Variants in KIF16B observed in about 807,000 individuals in gnomAD.
KIF16B encodes kinesin family member 16B.
In KIF16B, 98 loss-of-function variants were observed where a neutral mutation model predicts 156.3. The ratio of observed to expected loss-of-function variants is 0.63; its 90% confidence interval spans 0.53 to 0.74. The LOEUF is 0.74. Ranked by LOEUF, KIF16B falls within the 30% of genes least tolerant of loss-of-function variation. The pLI is 0.00. For missense variants in KIF16B, 1,421 were observed against 1,606.5 expected, an observed-to-expected ratio of 0.88 and a Z score of 1.97; for synonymous variants, 564 against 583.7, an observed-to-expected ratio of 0.97 and a Z score of 0.49.
intron 23 of KIF16B, among the ~76,000 whole-genome samples, chr20:16,350,641 C>T (rs2064319628): frequency 6.6e-6 from 1 of 151,730 alleles, no homozygotes; most frequent in African/African-American, 2.4e-5. Flanking sequence ...GACTAAGAGC[C>T]ACCAGCCACA....
At chr20:16,331,737 C>A (rs1386819707) in intron 24 of KIF16B, among the ~76,000 whole-genome samples, 5 of 152,090 alleles carry the variant, frequency 3.3e-5, no homozygotes, top group Non-Finnish European at 2.9e-5. Flanking sequence ...TTTCAGGATC[C>A]TTTTGTATCA....
At chr20:16,568,443 C>T (rs927688863) in intron 1 of KIF16B, among the ~76,000 whole-genome samples, 2 of 152,170 alleles carry the variant, frequency 1.3e-5, no homozygotes, top group Non-Finnish European at 2.9e-5. Context: ...CTTCAGGGAG[C>T]CCCTGCTGAA....
intron 25 of KIF16B, among the ~76,000 whole-genome samples, chr20:16,295,478 A>T (rs923293015): frequency 1.3e-5 from 2 of 151,034 alleles, no homozygotes; most frequent in African/African-American, 4.9e-5. Context: ...TAACTATATG[A>T]CTATTTAAAG....
intron 19 of KIF16B, among the ~76,000 whole-genome samples, chr20:16,376,377 A>G (rs1262566341): frequency 6.6e-6 from 1 of 152,220 alleles, no homozygotes; most frequent in African/African-American, 2.4e-5. Context: ...AGGCAATGGG[A>G]GAGCCAAGTT....
At chr20:16,425,662 G>A (rs923846760) in intron 15 of KIF16B, among the ~76,000 whole-genome samples, 3 of 152,134 alleles carry the variant, frequency 2.0e-5, no homozygotes, top group Non-Finnish European at 2.9e-5. Flanking sequence ...CCTGGCAGCT[G>A]CACCTTAGTT....
chr20:16,403,593 G>T (rs866113112), intron 17 of KIF16B, among the ~76,000 whole-genome samples: 3 of 152,190 alleles, frequency 2.0e-5, no homozygotes, highest in East Asian at 1.9e-4. Flanking sequence ...CCTGGAAAGC[G>T]GGGGTGGGGG....
intron 1 of KIF16B, among the ~76,000 whole-genome samples, chr20:16,548,881 G>A (rs969231754): frequency 6.6e-6 from 1 of 152,032 alleles, no homozygotes; most frequent in Admixed American, 6.5e-5. Context: ...GAAGACCACT[G>A]GAAGATGCCT....
chr20:16,425,798 C>T (rs960860941), intron 15 of KIF16B, among the ~76,000 whole-genome samples: 1 of 152,120 alleles, frequency 6.6e-6, no homozygotes, highest in African/African-American at 2.4e-5. Flanking sequence ...CATAAGGGAA[C>T]ATAGTCAACT....
At chr20:16,562,244 AC>A (rs770158008) in intron 1 of KIF16B, among the ~76,000 whole-genome samples, 2 of 152,186 alleles carry the variant, frequency 1.3e-5, no homozygotes, top group Non-Finnish European at 2.9e-5. Context: ...AAAGTGTTGT[AC>A]CATAGTGCTG....
Position 16,321,806 on chromosome 20 carries a change from G to C in KIF16B, c.3712-9388C>G, listed in dbSNP as rs1340179466. 2.0e-5 allele frequency among the ~76,000 whole-genome samples: 3 copies of C among 152,012 alleles called. No individual in the cohort carries two copies. The East Asian group carries it at 5.8e-4, about 29-fold the overall frequency. On this transcript the variant is annotated intron_variant, in intron 24 of 25. Coordinates refer to ENST00000354981, the MANE Select transcript of KIF16B (RefSeq NM_024704.5). Reference sequence around the variant, plus strand: ...ACAAACAGAAATGCAGTATTCATGAGAAAACCCTTAAAATGGCATCTTTTC... The same window carrying C: ...ACAAACAGAAATGCAGTATTCATGACAAAACCCTTAAAATGGCATCTTTTC...
At chr20:16,531,158 A>G (rs2069732315) in intron 1 of KIF16B, among the ~76,000 whole-genome samples, 1 of 152,226 alleles carries the variant, frequency 6.6e-6, no homozygotes, top group South Asian at 2.1e-4. Flanking sequence ...ACTAAAAACC[A>G]ACTGAAATAG....
chr20:16,431,888 T>TAC (rs2066510648), intron 12 of KIF16B, among the ~76,000 whole-genome samples: 1 of 138,946 alleles, frequency 7.2e-6, no homozygotes, highest in Admixed American at 7.3e-5. Flanking sequence ...TATATATATA[T>TAC]ACTATCCATT....
intron 6 of KIF16B, among the ~76,000 whole-genome samples, chr20:16,511,069 A>G (rs765794243): frequency 1.1e-4 from 17 of 152,230 alleles, no homozygotes; most frequent in Non-Finnish European, 1.5e-4. Context: ...TTATTGTCAT[A>G]TATCACCATT....
intron 24 of KIF16B, among the ~76,000 whole-genome samples, chr20:16,319,752 C>T (rs371219935): frequency 6.6e-6 from 1 of 152,176 alleles, no homozygotes; most frequent in Non-Finnish European, 1.5e-5. Flanking sequence ...AGGAGCCCCA[C>T]CAGGTTCTCA....
At chr20:16,305,978 T>G (rs973090258) in intron 25 of KIF16B, among the ~76,000 whole-genome samples, 1 of 152,234 alleles carries the variant, frequency 6.6e-6, no homozygotes, top group Admixed American at 6.5e-5. Flanking sequence ...CACTCTGTTC[T>G]TCCTGCTTTC....
intron 1 of KIF16B, among the ~76,000 whole-genome samples, chr20:16,546,311 T>C (rs1453551666): frequency 6.6e-6 from 1 of 152,194 alleles, no homozygotes; most frequent in Non-Finnish European, 1.5e-5. Context: ...TGCTGAAAGA[T>C]GTGATAGAAG....
chr20:16,424,009 C>A (rs1056822689), intron 15 of KIF16B, among the ~76,000 whole-genome samples: 1 of 152,148 alleles, frequency 6.6e-6, no homozygotes, highest in African/African-American at 2.4e-5. Context: ...AAGGCAGAGA[C>A]AGCCTCCCAC....
At chr20:16,330,198 T>C (rs1446139348) in intron 24 of KIF16B, among the ~76,000 whole-genome samples, 1 of 152,208 alleles carries the variant, frequency 6.6e-6, no homozygotes, top group Non-Finnish European at 1.5e-5. Flanking sequence ...TATCTAATAA[T>C]CAACAACTCC....
chr20:16,554,753 T>C (rs1371768291), intron 1 of KIF16B, among the ~76,000 whole-genome samples: 1 of 152,222 alleles, frequency 6.6e-6, no homozygotes, highest in Non-Finnish European at 1.5e-5. Context: ...TCACACCCTC[T>C]TTGGGGCTCT....
Sources: gnomAD v4.1 joint callset for allele counts (sites outside exome capture counted in the v4.1 genomes callset) on GRCh38, gnomAD v4.1.1 for gene constraint, MANE v1.5 for transcripts, NCBI Gene and HGNC (gene_info 2026-07-23, HGNC 2026-07-21) for gene names.